The following ATP5F1B variants were observed in gnomAD, a reference collection of about 807,000 sequenced individuals.
The protein encoded by ATP5F1B is ATP synthase F1 subunit beta, also known as ATP synthase F(1) complex subunit beta, mitochondrial.
A neutral mutation model predicts 45.9 loss-of-function variants in ATP5F1B; 17 were observed. That is an observed-to-expected ratio of 0.37 (90% CI 0.25 to 0.56). The LOEUF (loss-of-function observed/expected upper bound fraction) is 0.56, where lower values mean the gene tolerates loss of function less well. Ranked by LOEUF, ATP5F1B falls within the 20% of genes least tolerant of loss-of-function variation. The pLI is 0.80. For missense variants in ATP5F1B, 387 were observed against 673.2 expected (o/e 0.57, Z 4.70); for synonymous variants, 218 against 256.5 (o/e 0.85, Z 1.43).
At chr12:56,641,321 C>T (rs1314200929) in intron 7 of ATP5F1B, among the ~76,000 whole-genome samples, 1 of 150,556 alleles carries the variant, frequency 6.6e-6, no homozygotes, top group African/African-American at 2.4e-5. Flanking sequence ...CAGATCGCAC[C>T]CATTGCACTC....
At chr12:56,643,761 A>G (rs1393903520) in intron 4 of ATP5F1B, 76 bp downstream of exon 4, 3 of 1,595,230 alleles carry the variant, frequency 1.9e-6, no homozygotes, top group Non-Finnish European at 2.6e-6. Flanking sequence ...AATAGATGTC[A>G]ATATCCACTC....
Position 56,645,902 on chromosome 12 carries a change from G to A in ATP5F1B, c.62C>T (p.Thr21Ile), listed in dbSNP as rs759165869. 3 of 1,608,028 alleles carry A rather than the reference G, an allele frequency of 1.9e-6. No homozygotes were observed. The highest frequency in any genetic ancestry group is 2.5e-6 in the Non-Finnish European group (3 of 1,177,742). ...AGCTGGGGGCAGCGACGCTGAAGGG[G>A]TGAGTCTCCGCAAGGCCCCGGAGGC... ...APASGALRRL[T>I]PSASLPPAQL... The change falls in exon 1 of 10, where the codon ACC becomes ATC. Residue 21 changes from threonine (T) to isoleucine (I), a missense_variant. This residue lies in a region of ATP5F1B where 76 missense variants were observed against 62.0 expected (regional missense o/e 1.23). Transcript: ENST00000262030.
At chr12:56,645,131 C>T (rs755589680) in intron 2 of ATP5F1B, 40 bp downstream of exon 2, 64 of 1,613,218 alleles carry the variant, frequency 4.0e-5, no homozygotes, top group Middle Eastern at 3.3e-4. Flanking sequence ...GATATTTGGG[C>T]TACACAAGGT....
At chr12:56,641,419 TCATTA>T (rs1165170452) in intron 7 of ATP5F1B, among the ~76,000 whole-genome samples, 2 of 152,036 alleles carry the variant, frequency 1.3e-5, no homozygotes, top group South Asian at 4.1e-4. Flanking sequence ...GCACAATAGT[TCATTA>T]CACTGAATCA....
intron 7 of ATP5F1B, among the ~76,000 whole-genome samples, chr12:56,640,438 C>T (rs1418787654): frequency 3.9e-5 from 6 of 152,054 alleles, no homozygotes; most frequent in African/African-American, 1.2e-4. Flanking sequence ...CTATCTTGGC[C>T]AGGCTGGTCT....
In ATP5F1B at chr12:56,644,900, G is replaced by A. The variant is rs773360904; in HGVS notation, c.366C>T (p.Gly122=). ...AMDGTEGLVR[G]QKVLDSGAPI... is the part of the protein sequence containing the mutation. ...GTGCACCAGAATCCAGTACTTTCTG[G>A]CCTCTAACCAAGCCTTCTGTACCAT... The change falls in exon 3 of 10, where the codon GGC becomes GGT. Residue 122 remains glycine, a synonymous_variant. Coordinates refer to ENST00000262030, the MANE Select transcript of ATP5F1B (RefSeq NM_001686.4). The A allele has an allele frequency of 5.5e-5, 89 of 1,614,002 alleles. No homozygotes were observed. Among genetic ancestry groups the A allele is most frequent in the Admixed American group, 8.3e-5 (5 of 59,988 alleles).
chr12:56,638,460 G>A (rs756206857), intron 9 of ATP5F1B, 37 bp from the exon 10 acceptor site: 2 of 1,486,788 alleles, frequency 1.3e-6, no homozygotes, highest in Admixed American at 1.7e-5. Context: ...AGAGTAAGAA[G>A]CGGAGGGATA....
intron 7 of ATP5F1B, among the ~76,000 whole-genome samples, chr12:56,642,047 A>G (rs1393377098): frequency 6.6e-6 from 1 of 151,600 alleles, no homozygotes; most frequent in Non-Finnish European, 1.5e-5. Flanking sequence ...CCCAGGCTGG[A>G]GTGCAGTGCC....
intron 7 of ATP5F1B, among the ~76,000 whole-genome samples, 164 bp downstream of exon 7, chr12:56,642,283 ACCACGCCTGGC>A (rs139527692): frequency 0.068 from 10,305 of 152,070 alleles, 388 homozygotes; most frequent in African/African-American, 0.091. Context: ...GGCATGAACC[ACCACGCCTGGC>A]CCAGTCAGTT....
At chr12:56,645,800 C>T (rs746139519) in intron 1 of ATP5F1B, 37 bp downstream of exon 1, 1 of 1,598,862 alleles carries the variant, frequency 6.3e-7, no homozygotes, top group Non-Finnish European at 8.5e-7. Flanking sequence ...CATGGGGCGG[C>T]AAAATGGAAC....
Position 56,639,973 on chromosome 12 carries a change from T to C in ATP5F1B, c.1287+7A>G. On this transcript the variant is annotated splice_region_variant and intron_variant, in intron 8 of 9. Coordinates refer to ENST00000262030, the MANE Select transcript of ATP5F1B (RefSeq NM_001686.4). ...CGGACACTGATCCCACATAGTAATA[T>C]ACTCACCTGCAGGATCTTTTGCACC... The C allele has an allele frequency of 6.2e-7, 1 of 1,613,776 alleles. No homozygotes were observed. Among genetic ancestry groups the C allele is most frequent in the Non-Finnish European group, 8.5e-7 (1 of 1,179,834 alleles).
rs1951540698 is a variant in ATP5F1B at position 56,645,219 on chromosome 12, C to T, written c.262G>A (p.Val88Met). 6.2e-7 allele frequency: 1 copy of T among 1,614,142 alleles called. No homozygotes were observed. The change falls in exon 2 of 10, where the codon GTG (valine) becomes ATG (methionine). Residue 88 changes from valine to methionine, a missense_variant. Coordinates refer to ENST00000262030, the MANE Select transcript of ATP5F1B (RefSeq NM_001686.4). ...GLPPILNALE[V>M]QGRETRLVLE... ...ACCAGTCTGGTCTCCCTGCCTTGCA[C>T]TTCCAGGGCATTTAGAATTGGTGGT...
Position 56,644,772 on chromosome 12 carries a change from G to A in ATP5F1B, c.485+9C>T, listed in dbSNP as rs548344309. ...TCCTTTGTGCATAGATGCAATAAGA[G>A]CAACTTACTGTTTGGTTTTGATGGG... On this transcript the variant is annotated intron_variant, in intron 3 of 9. Transcript: ENST00000262030. 5 of 1,607,398 alleles carry A rather than the reference G, an allele frequency of 3.1e-6. No homozygotes were observed. The South Asian group carries it at 4.4e-5, about 14-fold the overall frequency.
intron 8 of ATP5F1B, 185 bp from the exon 9 acceptor site, chr12:56,639,492 C>T (rs569858068): frequency 9.2e-5 from 58 of 628,304 alleles, no homozygotes; most frequent in African/African-American, 7.6e-4. Flanking sequence ...TATTGCATTC[C>T]GCCGGGCGCA....
Position 56,640,259 on chromosome 12 carries a change from C to T in ATP5F1B, c.1075-67G>A, listed in dbSNP as rs569522143. ...TTTTTTTTTTTTTTTGAGAGGGTCT[C>T]GCTCTGTCGCCCAGGCTGGAGTGCA... On this transcript the variant is annotated intron_variant, in intron 7 of 9. Transcript: ENST00000262030. The T allele has an allele frequency of 2.8e-4, 388 of 1,364,396 alleles. 5 individuals are homozygous for T. In the South Asian group the frequency reaches 3.4e-3, roughly 12 times the overall value. 84.5% of individuals were successfully genotyped at this position (1,364,396 alleles called of 1,614,324 possible). A position where few individuals can be genotyped will look rare whatever the true frequency, so the allele number is the denominator to read the frequency against.
Position 56,642,666 on chromosome 12 carries a change from C to G in ATP5F1B, c.951+7G>C, listed in dbSNP as rs1209611648. 1 of 1,614,168 alleles carries G rather than the reference C, an allele frequency of 6.2e-7. No individual in the cohort carries two copies. The highest frequency in any genetic ancestry group is 1.7e-5 in the Admixed American group (1 of 60,014). On this transcript the variant is annotated splice_region_variant and intron_variant, in intron 6 of 9. Coordinates refer to ENST00000262030, the MANE Select transcript of ATP5F1B (RefSeq NM_001686.4). Reference sequence around the variant, plus strand: ...TGAACCAGGTCCTCTCAAGCCTTCCCTCTTACCTCTGAACCAGCCTGGGTG... The same window carrying G: ...TGAACCAGGTCCTCTCAAGCCTTCCGTCTTACCTCTGAACCAGCCTGGGTG...
At chr12:56,645,039 C>G (rs760742124) in intron 2 of ATP5F1B, 84 bp from the exon 3 acceptor site, 4 of 1,606,596 alleles carry the variant, frequency 2.5e-6, no homozygotes, top group Non-Finnish European at 3.4e-6. Flanking sequence ...TTCTCAGTAC[C>G]TAAATGTGGC....
chr12:56,644,845 A>T lies in ATP5F1B; in HGVS notation c.421T>A (p.Leu141Met). The change falls in exon 3 of 10, where the codon TTG (leucine) becomes ATG (methionine). Residue 141 changes from leucine to methionine, a missense_variant. By Grantham distance (15) the Leu-to-Met change is conservative. This residue lies in a region of ATP5F1B where 113 missense variants were observed against 168.0 expected (regional missense o/e 0.67). Coordinates refer to ENST00000262030, the MANE Select transcript of ATP5F1B (RefSeq NM_001686.4). ...CCAATGACATTCATGATTCTGCCCA[A>T]AGTCTCAGGACCAACAGGAATTTTG... is the stretch of plus-strand genomic sequence containing the variant. ...PIKIPVGPETLGRIMNVIGEP... is the reference protein window; with the variant it reads ...PIKIPVGPETMGRIMNVIGEP... 1 of 1,614,198 alleles carries T rather than the reference A, an allele frequency of 6.2e-7. No individual in the cohort carries two copies. Among genetic ancestry groups the T allele is most frequent in the Non-Finnish European group, 8.5e-7 (1 of 1,180,036 alleles).
intron 6 of ATP5F1B, 24 bp from the exon 7 acceptor site, chr12:56,642,604 T>C (rs770139894): frequency 6.2e-7 from 1 of 1,614,038 alleles, no homozygotes; most frequent in East Asian, 2.2e-5. Flanking sequence ...AGGTCTTAGG[T>C]GTCTACATCC....
Sources: allele counts gnomAD v4.1 joint callset (sites outside exome capture counted in the v4.1 genomes callset), GRCh38; gene constraint gnomAD v4.1.1; regional missense constraint gnomAD v4.1.1; transcripts MANE v1.5; gene names NCBI Gene and HGNC (gene_info 2026-07-23, HGNC 2026-07-21).